Variants in SSC4D observed in about 807,000 individuals in gnomAD.
The protein encoded by SSC4D is scavenger receptor cysteine rich family member with 4 domains.
Under a neutral mutation model 63.4 loss-of-function variants are expected in SSC4D, and 57 were observed. The ratio of observed to expected loss-of-function variants is 0.90; its 90% CI spans 0.73 to 1.12. The LOEUF is 1.12. Ranked by LOEUF, SSC4D falls within the 50% of genes most tolerant of loss-of-function variation. SSC4D has a pLI of 0.00. For missense variants in SSC4D, 791 were observed against 806.4 expected, an observed-to-expected ratio of 0.98 and a Z score of 0.23; for synonymous variants, 352 against 345.4, an observed-to-expected ratio of 1.02 and a Z score of -0.21.
chr7:76,405,958 C>T (rs1805012421), intron 1 of SSC4D, among the ~76,000 whole-genome samples: 1 of 145,510 alleles, frequency 6.9e-6, no homozygotes, highest in African/African-American at 2.6e-5. Flanking sequence ...TCCTTCCTTC[C>T]TTCCTTCTTC....
chr7:76,396,941 C>T (rs140034788), intron 6 of SSC4D, among the ~76,000 whole-genome samples: 26 of 152,214 alleles, frequency 1.7e-4, no homozygotes, highest in African/African-American at 5.3e-4. Flanking sequence ...ATCTCTGGGG[C>T]AATTCTAGAG....
chr7:76,403,527 G>A lies in SSC4D; in HGVS notation c.133+780C>T, dbSNP rs1584030652. Among the ~76,000 whole-genome samples, 4 of 151,320 alleles carry A rather than the reference G, an allele frequency of 2.6e-5. No homozygotes were observed. In the East Asian group the frequency reaches 7.8e-4, roughly 29 times the overall value. On this transcript the variant is annotated intron_variant, in intron 2 of 10. Coordinates refer to ENST00000275560, the MANE Select transcript of SSC4D (RefSeq NM_080744.2). Reference sequence around the variant, plus strand: ...TATTTTTTGTATTTTTAGTAGAGACGGGGTTTCACCATGTTGGCCGGGCTG... The same window carrying A: ...TATTTTTTGTATTTTTAGTAGAGACAGGGTTTCACCATGTTGGCCGGGCTG...
At chr7:76,397,235 A>G (rs567303540) in intron 6 of SSC4D, among the ~76,000 whole-genome samples, 5 of 152,274 alleles carry the variant, frequency 3.3e-5, no homozygotes, top group African/African-American at 1.2e-4. Context: ...AGCATGCACC[A>G]CCACGCCCGG....
chr7:76,393,560 G>T lies in SSC4D; in HGVS notation c.1178C>A (p.Ala393Asp). 2.0e-6 allele frequency: 3 copies of T among 1,517,702 alleles called. No homozygotes were observed. The highest frequency in any genetic ancestry group is 2.6e-5 in the East Asian group (1 of 38,588). 94.0% of individuals were successfully genotyped at this position (1,517,702 alleles called of 1,614,324 possible). The change falls in exon 9 of 11, where the codon GCT (alanine) becomes GAT (aspartate). Residue 393 changes from alanine to aspartate, a missense_variant. Ala to Asp is a moderately radical substitution (Grantham distance 126). Transcript: ENST00000275560. Reference sequence around the variant, plus strand: ...GTAGCCGAAGTGGCCCAGTCCCGTAGCGCCCAGCGCAGGCCCGCAGCCCGC... The same window carrying T: ...GTAGCCGAAGTGGCCCAGTCCCGTATCGCCCAGCGCAGGCCCGCAGCCCGC... The part of the protein sequence containing the change: ...REAGCGPALG[A>D]TGLGHFGYGR...
At chr7:76,394,004 C>T in intron 7 of SSC4D, 100 bp from the exon 8 acceptor site, 2 of 1,204,498 alleles carry the variant, frequency 1.7e-6, no homozygotes, top group Non-Finnish European at 2.3e-6. Flanking sequence ...AACCCTACCA[C>T]ACCCGTACCC....
Position 76,395,382 on chromosome 7 carries a change from G to A in SSC4D, c.869-52C>T, listed in dbSNP as rs771780913. ...TCAGAGGCTGAGATTCTGGTCTCTG[G>A]TCAGCCATGGGCTGTCAGGGGAGGA... On this transcript the variant is annotated intron_variant, in intron 6 of 10. Coordinates refer to ENST00000275560, the MANE Select transcript of SSC4D (RefSeq NM_080744.2). The A allele has an allele frequency of 3.8e-6, 6 of 1,566,972 alleles. No homozygotes were observed. The South Asian group carries it at 5.6e-5, about 15-fold the overall frequency.
Position 76,393,476 on chromosome 7 carries a change from C to G in SSC4D, c.1262G>C (p.Ser421Thr), listed in dbSNP as rs1450793382. 5 of 1,526,210 alleles carry G rather than the reference C, an allele frequency of 3.3e-6. No individual in the cohort carries two copies. The highest frequency in any genetic ancestry group is 4.4e-6 in the Non-Finnish European group (5 of 1,144,184). 94.5% of individuals were successfully genotyped at this position (1,526,210 alleles called of 1,614,324 possible). ...GCCCCAGCCCAGGTGGAAGCAGTCGCTCAGGCGAGCCTCGGTGCCGGCGCA... is the reference window on the plus strand; with the variant it reads ...GCCCCAGCCCAGGTGGAAGCAGTCGGTCAGGCGAGCCTCGGTGCCGGCGCA... Reference protein sequence around the residue: ...VGCAGTEARLSDCFHLGWGQH... With the variant: ...VGCAGTEARLTDCFHLGWGQH... Residue 421 changes from serine to threonine, a missense_variant, in exon 9 of 11, where the codon AGC (serine) becomes ACC (threonine). Ser to Thr is a moderately conservative substitution (Grantham distance 58). Coordinates refer to ENST00000275560, the MANE Select transcript of SSC4D (RefSeq NM_080744.2).
intron 1 of SSC4D, among the ~76,000 whole-genome samples, chr7:76,405,595 G>T (rs1805000375): frequency 6.6e-6 from 1 of 151,778 alleles, no homozygotes; most frequent in African/African-American, 2.4e-5. Flanking sequence ...AAAGAAAAAA[G>T]TTCCAAGTGT....
At chr7:76,392,985 T>C (rs927050531) in intron 9 of SSC4D, among the ~76,000 whole-genome samples, 2 of 152,176 alleles carry the variant, frequency 1.3e-5, no homozygotes, top group East Asian at 3.8e-4. Context: ...CCCTTTCCAC[T>C]GACTCCGCCC....
At chr7:76,400,872 G>A (rs1804801577) in intron 3 of SSC4D, 136 bp downstream of exon 3, 1 of 1,262,456 alleles carries the variant, frequency 7.9e-7, no homozygotes, top group South Asian at 1.4e-5. Flanking sequence ...AAAATGGGGA[G>A]ACTACAGCTC....
chr7:76,398,566 A>G (rs1231173202), intron 5 of SSC4D, among the ~76,000 whole-genome samples, 154 bp downstream of exon 5: 2 of 152,016 alleles, frequency 1.3e-5, no homozygotes, highest in African/African-American at 4.8e-5. Context: ...CGGCCTCCCA[A>G]AGTGCTGGGA....
Position 76,397,540 on chromosome 7 carries a change from C to G in SSC4D, c.846G>C (p.Glu282Asp), listed in dbSNP as rs1198304278. ...CACCTGCGCAGAGCGCGCCCGCGTC[C>G]TCGTGGTGGCCGCAGTTGTGCACAC... ...GWGVHNCGHHEDAGALCAGLG... is the reference protein window; with the variant it reads ...GWGVHNCGHHDDAGALCAGLG... The change falls in exon 6 of 11, where the codon GAG (glutamate) becomes GAC (aspartate). Residue 282 changes from glutamate to aspartate, a missense_variant. Physicochemically the swap from Glu to Asp is conservative, Grantham distance 45. Transcript: ENST00000275560. 6.3e-7 allele frequency: 1 copy of G among 1,585,052 alleles called. No individual in the cohort carries two copies. The highest frequency in any genetic ancestry group is 8.6e-7 in the Non-Finnish European group (1 of 1,166,306).
intron 1 of SSC4D, 53 bp downstream of exon 1, chr7:76,409,355 ACACATG>A (rs1805168566): frequency 7.2e-6 from 1 of 138,804 alleles, no homozygotes; most frequent in South Asian, 2.4e-4. Flanking sequence ...ACACACACAC[ACACATG>A]CATGCACACG....
intron 6 of SSC4D, among the ~76,000 whole-genome samples, chr7:76,396,758 T>C (rs916416840): frequency 1.3e-5 from 2 of 152,226 alleles, no homozygotes; most frequent in African/African-American, 4.8e-5. Context: ...CTTTATCTCT[T>C]ACAGAGCAGA....
rs1365528286 is a variant in SSC4D, at chr7:76,390,071, G to A, written c.1716C>T (p.Cys572=). The A allele has an allele frequency of 6.2e-7, 1 of 1,614,224 alleles. No homozygotes were observed. Residue 572 remains cysteine, a synonymous_variant, in exon 11 of 11, where the codon TGC becomes TGT. Coordinates refer to ENST00000275560, the MANE Select transcript of SSC4D (RefSeq NM_080744.2). ...CDHSEDASVL[C]QPS is the part of the protein sequence containing the mutation. The stretch of plus-strand genomic sequence containing the variant: ...AGAGCGGGCTGGGTCATGAAGGCTG[G>A]CACAGGACACTGGCATCCTCGCTGT...
chr7:76,405,048 C>T lies in SSC4D; in HGVS notation c.-66-543G>A, dbSNP rs565669864. Among the ~76,000 whole-genome samples, 160 of 150,412 alleles carry T rather than the reference C, an allele frequency of 1.1e-3. 1 individual carries two copies. Among genetic ancestry groups the T allele is most frequent in the Non-Finnish European group, 4.3e-4 (29 of 67,650 alleles). ...TCATGCCACTGCACTCCAGCCTGGG[C>T]GACAGAGCAAGACTCTGCCTCAAAA... is the stretch of plus-strand genomic sequence containing the variant. On this transcript the variant is annotated intron_variant, in intron 1 of 10. Transcript: ENST00000275560.
At chr7:76,407,360 C>G (rs1563688191) in intron 1 of SSC4D, among the ~76,000 whole-genome samples, 1 of 150,836 alleles carries the variant, frequency 6.6e-6, no homozygotes, top group Non-Finnish European at 1.5e-5. Context: ...GAGACAGAGT[C>G]TCGCCTTGTC....
Position 76,393,394 on chromosome 7 carries a change from G to T in SSC4D, c.1333+11C>A. On this transcript the variant is annotated intron_variant, in intron 9 of 10. Transcript: ENST00000275560. ...CCCCGCTGTCAGCCTCACCTTCGCT[G>T]TCAGCCTCACCTGCGCAGAGCGCTC... 1 of 1,385,194 alleles carries T rather than the reference G, an allele frequency of 7.2e-7. No homozygotes were observed. Among genetic ancestry groups the T allele is most frequent in the Non-Finnish European group, 9.3e-7 (1 of 1,070,474 alleles). The allele number at this position is 1,385,194 out of a possible 1,614,324, so 85.8% of individuals were successfully genotyped here.
chr7:76,390,903 C>T (rs969064923), intron 10 of SSC4D, among the ~76,000 whole-genome samples: 3 of 152,208 alleles, frequency 2.0e-5, no homozygotes, highest in Non-Finnish European at 4.4e-5. Context: ...GGGAGGACTG[C>T]TTGTGCCCAG....
Sources: gnomAD v4.1 joint callset for allele counts (sites outside exome capture counted in the v4.1 genomes callset) on GRCh38, gnomAD v4.1.1 for gene constraint, MANE v1.5 for transcripts, NCBI Gene and HGNC (gene_info 2026-07-23, HGNC 2026-07-21) for gene names.